The following RAB1A variants were observed in gnomAD, a reference collection of about 807,000 sequenced individuals.
RAB1A encodes the protein ras-related protein Rab-1A.
Under a neutral mutation model 26.0 loss-of-function variants are expected in RAB1A, and 2 were observed. The ratio of observed to expected loss-of-function variants is 0.08; its 90% CI spans 0.03 to 0.24. The LOEUF (loss-of-function observed/expected upper bound fraction) is 0.24, where lower values mean the gene tolerates loss of function less well. Among genes scored for constraint, RAB1A ranks in the 10% least tolerant of loss-of-function variants. The pLI, the probability that RAB1A is intolerant of heterozygous loss-of-function variation, is 1.00. For missense variants in RAB1A, 100 were observed against 247.0 expected (o/e 0.40, Z 3.99); for synonymous variants, 84 against 84.9 (o/e 0.99, Z 0.06).
intron 1 of RAB1A, among the ~76,000 whole-genome samples, chr2:65,124,860 G>A (rs557812317): frequency 7.2e-5 from 11 of 152,034 alleles, no homozygotes; most frequent in East Asian, 3.9e-4. Context: ...TTAAATTACC[G>A]GAAGAATTAC....
At position 65,107,730 on chromosome 2, in the gene RAB1A, T is replaced by C. The variant is rs1669594781; in HGVS notation, c.24-2924A>G. On this transcript the variant is annotated intron_variant, in intron 1 of 5. Transcript: ENST00000409784. The stretch of plus-strand genomic sequence containing the variant: ...GCATCCAGTAAACACTCAAAAACAT[T>C]CCCTGAATTTGCTGTACTGGAGCCA... 2.6e-5 allele frequency among the ~76,000 whole-genome samples: 4 copies of C among 152,032 alleles called. No individual in the cohort carries two copies. In the South Asian group the frequency reaches 8.3e-4, roughly 32 times the overall value.
intron 1 of RAB1A, among the ~76,000 whole-genome samples, chr2:65,127,588 T>G (rs1044514012): frequency 1.3e-5 from 2 of 151,462 alleles, no homozygotes; most frequent in Non-Finnish European, 2.9e-5. Flanking sequence ...TAGCCGGGAG[T>G]GGTGGCACAT....
chr2:65,093,501 G>A (rs1669216451), intron 3 of RAB1A, among the ~76,000 whole-genome samples: 1 of 151,824 alleles, frequency 6.6e-6, no homozygotes, highest in Admixed American at 6.6e-5. Context: ...AAAGCTGAAA[G>A]GAAAAGATAA....
intron 2 of RAB1A, among the ~76,000 whole-genome samples, chr2:65,099,258 TG>T (rs1669361466): frequency 6.6e-6 from 1 of 152,242 alleles, no homozygotes; most frequent in African/African-American, 2.4e-5. Context: ...TGAACATTTG[TG>T]TACAAGTTTT....
chr2:65,103,290 A>T (rs1035403044), intron 2 of RAB1A, among the ~76,000 whole-genome samples: 26 of 148,172 alleles, frequency 1.8e-4, no homozygotes, highest in African/African-American at 6.4e-4. Flanking sequence ...ACACAGCCAG[A>T]ATCTGTCTCA....
chr2:65,123,774 C>T (rs923386174), intron 1 of RAB1A, among the ~76,000 whole-genome samples: 10 of 151,328 alleles, frequency 6.6e-5, no homozygotes, highest in Admixed American at 2.6e-4. Context: ...TGCAGTGAGC[C>T]GAGATCACGC....
chr2:65,095,517 T>C (rs1669262926), intron 3 of RAB1A, among the ~76,000 whole-genome samples: 1 of 11,888 alleles, frequency 8.4e-5, no homozygotes, highest in African/African-American at 2.2e-4. Context: ...ACCTGGTTAC[T>C]TTTTTTTTTT....
At chr2:65,120,766 T>C (rs568569497) in intron 1 of RAB1A, among the ~76,000 whole-genome samples, 1 of 152,282 alleles carries the variant, frequency 6.6e-6, no homozygotes, top group East Asian at 1.9e-4. Context: ...CAAATCAAGA[T>C]ACCAGAAAAT....
intron 1 of RAB1A, among the ~76,000 whole-genome samples, chr2:65,109,196 A>C (rs1669637903): frequency 6.6e-6 from 1 of 152,352 alleles, no homozygotes; most frequent in South Asian, 2.1e-4. Flanking sequence ...AAAACACCAC[A>C]CAGTAAAAAT....
intron 3 of RAB1A, among the ~76,000 whole-genome samples, chr2:65,094,724 A>G (rs1374505097): frequency 2.0e-5 from 3 of 152,232 alleles, no homozygotes; most frequent in Non-Finnish European, 4.4e-5. Flanking sequence ...TTGAAGTTCA[A>G]GAGAGAAATT....
intron 2 of RAB1A, among the ~76,000 whole-genome samples, chr2:65,101,738 C>G (rs1408455065): frequency 1.7e-5 from 2 of 120,266 alleles, no homozygotes; most frequent in African/African-American, 6.7e-5. Context: ...ATTTGTATTA[C>G]TTCCTTTTTT....
At chr2:65,096,033 A>G (rs1669275138) in intron 3 of RAB1A, among the ~76,000 whole-genome samples, 1 of 152,134 alleles carries the variant, frequency 6.6e-6, no homozygotes, top group African/African-American at 2.4e-5. Context: ...CACGCCTGTA[A>G]TCCCAGCTAC....
In RAB1A at chr2:65,130,023, G is replaced by T; in HGVS notation, c.-108C>A. ...AGAAAGGAATGAGATAGGCTGTTCC[G>T]GGAGAGCAAACGTCTTCCCCTACTC... On this transcript the variant is annotated 5_prime_UTR_variant, in exon 1 of 6. Coordinates refer to ENST00000409784, the MANE Select transcript of RAB1A (RefSeq NM_004161.5). 1 of 1,267,696 alleles carries T rather than the reference G, an allele frequency of 7.9e-7. No individual in the cohort carries two copies. 78.5% of individuals were successfully genotyped at this position (1,267,696 alleles called of 1,614,324 possible).
chr2:65,127,741 A>AT (rs962431496), intron 1 of RAB1A, among the ~76,000 whole-genome samples: 34 of 150,288 alleles, frequency 2.3e-4, no homozygotes, highest in East Asian at 1.6e-3. Flanking sequence ...ACAATAAATA[A>AT]TTTTTTTTTT....
intron 2 of RAB1A, among the ~76,000 whole-genome samples, chr2:65,098,671 G>A (rs1037426349): frequency 7.2e-5 from 11 of 151,852 alleles, no homozygotes; most frequent in African/African-American, 2.4e-4. Flanking sequence ...GAAAGAACCC[G>A]TCTTCACTCC....
intron 1 of RAB1A, among the ~76,000 whole-genome samples, chr2:65,123,590 G>A (rs1344341129): frequency 6.6e-6 from 1 of 152,008 alleles, no homozygotes; most frequent in Non-Finnish European, 1.5e-5. Flanking sequence ...CCAGCAATTT[G>A]GCTGAGGTGG....
intron 1 of RAB1A, chr2:65,106,253 C>T (rs188199724): frequency 6.2e-4 from 129 of 208,472 alleles, no homozygotes; most frequent in African/African-American, 2.4e-3. Flanking sequence ...GGACAAAAAC[C>T]TTAGAATTTA....
At chr2:65,122,885 GGT>G (rs1002404687) in intron 1 of RAB1A, among the ~76,000 whole-genome samples, 80 of 149,930 alleles carry the variant, frequency 5.3e-4, no homozygotes, top group African/African-American at 1.9e-3. Context: ...GCAGGAGAAT[GGT>G]GTGAGCCCAG....
rs947647748 is a variant in RAB1A at position 65,087,896 on chromosome 2, A to G, written c.*597T>C. 11 of 152,848 alleles carry G rather than the reference A, an allele frequency of 7.2e-5. No individual in the cohort carries two copies. The highest frequency in any genetic ancestry group is 2.6e-4 in the African/African-American group (11 of 41,584). The allele number at this position is 152,848 out of a possible 1,614,324, so 9.5% of individuals were successfully genotyped here. A position where few individuals can be genotyped will look rare whatever the true frequency, so the allele number is the denominator to read the frequency against. ...TTTGATATTACTTCCAATAAGTACA[A>G]TATTTATTAAACATATCTTCAGTTG... On this transcript the variant is annotated 3_prime_UTR_variant, in exon 6 of 6. Transcript: ENST00000409784.
Sources: gnomAD v4.1 joint callset for allele counts (sites outside exome capture counted in the v4.1 genomes callset) on GRCh38, gnomAD v4.1.1 for gene constraint, MANE v1.5 for transcripts, NCBI Gene and HGNC (gene_info 2026-07-23, HGNC 2026-07-21) for gene names.